Variants in MSI2 observed in about 807,000 individuals in gnomAD.
MSI2 encodes the protein RNA-binding protein Musashi homolog 2.
Under a neutral mutation model 45.6 loss-of-function variants are expected in MSI2, and 17 were observed. The observed-to-expected ratio is 0.37, with a 90% CI of 0.26 to 0.56. The LOEUF is 0.56. Among genes scored for constraint, MSI2 ranks in the 20% least tolerant of loss-of-function variants. MSI2 has a pLI of 0.77. For missense variants in MSI2, 293 were observed against 444.2 expected, an observed-to-expected ratio of 0.66 and a Z score of 3.06; for synonymous variants, 156 against 158.2, an observed-to-expected ratio of 0.99 and a Z score of 0.11.
At chr17:57,309,981 G>T (rs1424029823) in intron 5 of MSI2, among the ~76,000 whole-genome samples, 1 of 152,234 alleles carries the variant, frequency 6.6e-6, no homozygotes, top group Non-Finnish European at 1.5e-5. Flanking sequence ...GGGTGCAGGG[G>T]CTGGGGAGTA....
intron 6 of MSI2, among the ~76,000 whole-genome samples, chr17:57,412,194 C>A (rs113011574): frequency 6.6e-6 from 1 of 151,916 alleles, no homozygotes; most frequent in African/African-American, 2.4e-5. Context: ...TGTGCCACCA[C>A]GCCTGAATAA....
chr17:57,633,131 T>C, intron 10 of MSI2: 1 of 1,023,868 alleles, frequency 9.8e-7, no homozygotes, highest in Non-Finnish European at 1.2e-6. Flanking sequence ...TGACGTTTTA[T>C]TTTTTTTCCC....
At chr17:57,502,947 G>T (rs1567863056) in intron 6 of MSI2, among the ~76,000 whole-genome samples, 1 of 151,968 alleles carries the variant, frequency 6.6e-6, no homozygotes, top group Non-Finnish European at 1.5e-5. Flanking sequence ...TAATTGCTTT[G>T]TTTGTTCTGT....
intron 6 of MSI2, among the ~76,000 whole-genome samples, chr17:57,401,921 C>T (rs2083999220): frequency 6.6e-6 from 1 of 152,094 alleles, no homozygotes; most frequent in South Asian, 2.1e-4. Context: ...TGAACCCTCC[C>T]CTGTCAAATG....
rs181933271 is a variant in MSI2, at chr17:57,496,469, G to A, written c.406-33207G>A. Among the ~76,000 whole-genome samples the A allele has an allele frequency of 6.4e-4, 97 of 152,308 alleles. 1 individual carries two copies. The highest frequency in any genetic ancestry group is 2.3e-3 in the African/African-American group (95 of 41,572). Reference sequence around the variant, plus strand: ...TACACTGATGGCATTTTCTCAGCCCGGTGAGGCCGCCACCACCTTCCAGAG... The same window carrying A: ...TACACTGATGGCATTTTCTCAGCCCAGTGAGGCCGCCACCACCTTCCAGAG... On this transcript the variant is annotated intron_variant, in intron 6 of 13. Transcript: ENST00000284073.
intron 5 of MSI2, among the ~76,000 whole-genome samples, chr17:57,367,349 G>A (rs967595166): frequency 5.3e-5 from 8 of 152,174 alleles, no homozygotes; most frequent in Non-Finnish European, 8.8e-5. Flanking sequence ...TAACTCAGTA[G>A]ATGGGGGAGG....
intron 6 of MSI2, among the ~76,000 whole-genome samples, chr17:57,499,793 A>C (rs1042105311): frequency 6.6e-6 from 1 of 152,202 alleles, no homozygotes; most frequent in Admixed American, 6.5e-5. Flanking sequence ...CATCTGTCCA[A>C]GGGATCTCAG....
chr17:57,391,254 G>A (rs1469439771), intron 5 of MSI2, among the ~76,000 whole-genome samples: 2 of 152,184 alleles, frequency 1.3e-5, no homozygotes, highest in African/African-American at 4.8e-5. Context: ...GAGAAAGGTT[G>A]CGCTGGAGGA....
Position 57,405,489 on chromosome 17 carries a change from A to G in MSI2, c.405+4018A>G, listed in dbSNP as rs552827124. 1.7e-4 allele frequency among the ~76,000 whole-genome samples: 26 copies of G among 152,342 alleles called. No homozygotes were observed. In the South Asian group the frequency reaches 2.3e-3, roughly 13 times the overall value. ...AAGTATTCAAACATTAATAGGATGG[A>G]TAGATTATAATCTAAGGTATCTATA... is the stretch of plus-strand genomic sequence containing the variant. On this transcript the variant is annotated intron_variant, in intron 6 of 13. Coordinates refer to ENST00000284073, the MANE Select transcript of MSI2 (RefSeq NM_138962.4).
chr17:57,291,000 G>C (rs1910367371), intron 5 of MSI2, among the ~76,000 whole-genome samples: 1 of 152,200 alleles, frequency 6.6e-6, no homozygotes, highest in Non-Finnish European at 1.5e-5. Context: ...GTCAGGTCCT[G>C]GCTGCACCCC....
intron 7 of MSI2, among the ~76,000 whole-genome samples, chr17:57,563,318 A>G (rs1411271826): frequency 6.6e-6 from 1 of 152,036 alleles, no homozygotes; most frequent in African/African-American, 2.4e-5. Context: ...TGCTCTCTTT[A>G]GTGATTTAAT....
chr17:57,601,771 A>G (rs1231254981), intron 8 of MSI2: 4 of 152,234 alleles, frequency 2.6e-5, no homozygotes, highest in Non-Finnish European at 1.5e-5. Context: ...CCAGAAAGGA[A>G]TCGGTGCTTA....
intron 11 of MSI2, among the ~76,000 whole-genome samples, chr17:57,664,470 A>G (rs762959966): frequency 2.0e-5 from 3 of 152,168 alleles, no homozygotes; most frequent in Non-Finnish European, 4.4e-5. Flanking sequence ...GTGAGCTGAG[A>G]GTGCGCCACT....
At chr17:57,621,368 G>A (rs974307384) in intron 9 of MSI2, among the ~76,000 whole-genome samples, 2 of 152,148 alleles carry the variant, frequency 1.3e-5, no homozygotes, top group African/African-American at 4.8e-5. Context: ...TTGAAAGAGT[G>A]GAAAAATAAA....
chr17:57,508,601 C>T (rs1406432303), intron 6 of MSI2, among the ~76,000 whole-genome samples: 2 of 152,158 alleles, frequency 1.3e-5, no homozygotes, highest in Admixed American at 6.5e-5. Flanking sequence ...GACATAAGCC[C>T]CTCTTTGGAA....
intron 5 of MSI2, among the ~76,000 whole-genome samples, chr17:57,285,471 T>C (rs1453028410): frequency 6.6e-6 from 1 of 152,214 alleles, no homozygotes; most frequent in African/African-American, 2.4e-5. Flanking sequence ...CCGCATTGTC[T>C]CAGCGTTCGC....
intron 6 of MSI2, among the ~76,000 whole-genome samples, chr17:57,528,105 C>G (rs557118007): frequency 5.3e-5 from 8 of 150,748 alleles, no homozygotes; most frequent in Admixed American, 2.0e-4. Flanking sequence ...TTTACCCCCC[C>G]TACAGCCACA....
chr17:57,660,887 G>A (rs1038267641), intron 11 of MSI2, among the ~76,000 whole-genome samples: 4 of 152,182 alleles, frequency 2.6e-5, no homozygotes, highest in South Asian at 2.1e-4. Flanking sequence ...TTGGTACTAC[G>A]CTAAGGAGAC....
At chr17:57,392,966 T>G (rs1432783662) in intron 5 of MSI2, among the ~76,000 whole-genome samples, 1 of 152,202 alleles carries the variant, frequency 6.6e-6, no homozygotes, top group Non-Finnish European at 1.5e-5. Flanking sequence ...TTCACAGATA[T>G]GTGCACCCAT....
Sources: allele counts gnomAD v4.1 joint callset (sites outside exome capture counted in the v4.1 genomes callset), GRCh38; gene constraint gnomAD v4.1.1; transcripts MANE v1.5; gene names NCBI Gene and HGNC (gene_info 2026-07-23, HGNC 2026-07-21).